Variants in COL16A1 observed in about 807,000 individuals in gnomAD.
COL16A1 encodes the protein collagen alpha-1(XVI) chain.
Under a neutral mutation model 266.3 loss-of-function variants are expected in COL16A1, and 189 were observed. The observed-to-expected ratio is 0.71, with a 90% CI of 0.63 to 0.80. The LOEUF (loss-of-function observed/expected upper bound fraction) is 0.80, where lower values mean the gene tolerates loss of function less well. COL16A1 is among the 30% of genes least tolerant of loss of function. The pLI is 0.00. For synonymous variants in COL16A1, 740 were observed against 782.3 expected, an observed-to-expected ratio of 0.95 and a Z score of 0.90; for missense variants, 1,928 against 2,122.4, an observed-to-expected ratio of 0.91 and a Z score of 1.80.
rs1476391092 is a variant in COL16A1 at position 31,652,850 on chromosome 1, G to A, written c.4616C>T (p.Pro1539Leu). ...GENGLPGPPG[P>L]QGPPGYGKMG... ...CTTGCCATAGCCTGGAGGACCTTGA[G>A]GACCTAGGGAGGGAAGGGCCACAGA... Residue 1539 changes from proline to leucine, a missense_variant, in exon 71 of 71, where the codon CCT (proline) becomes CTT (leucine). Around this residue, in one of 2 missense-constraint regions of COL16A1, gnomAD observed 376 missense variants for 485.2 expected, o/e 0.77. Transcript: ENST00000373672. This position sits in a 1 kb window ranked among gnomAD's most constrained non-coding sequence, Gnocchi z 4.8. 1 of 1,512,436 alleles carries A rather than the reference G, an allele frequency of 6.6e-7. No individual in the cohort carries two copies. The highest frequency in any genetic ancestry group is 8.8e-7 in the Non-Finnish European group (1 of 1,133,080). 93.7% of individuals were successfully genotyped at this position (1,512,436 alleles called of 1,614,324 possible). A position where few individuals can be genotyped will look rare whatever the true frequency, so the allele number is the denominator to read the frequency against.
At chr1:31,662,738 T>C (rs1040489138) in intron 56 of COL16A1, 80 bp from the exon 57 acceptor site, 127 of 1,355,096 alleles carry the variant, frequency 9.4e-5, no homozygotes, top group Non-Finnish European at 1.2e-4. Context: ...GACCAGGCCC[T>C]GGGTCAAGGG....
chr1:31,686,310 G>C, intron 26 of COL16A1, 31 bp from the exon 27 acceptor site: 1 of 1,614,172 alleles, frequency 6.2e-7, no homozygotes, highest in Non-Finnish European at 8.5e-7. Flanking sequence ...CATGATTAAA[G>C]AGGGGATGGA....
At chr1:31,659,894 C>T (rs987434818) in intron 62 of COL16A1, 3 of 151,684 alleles carry the variant, frequency 2.0e-5, no homozygotes, top group African/African-American at 7.3e-5. Context: ...ATGGCATTCC[C>T]AATCCAGGGC....
rs1241372275 is a variant in COL16A1, at chr1:31,691,698, C to G, written c.1258-56G>C. On this transcript the variant is annotated intron_variant, in intron 17 of 70. Transcript: ENST00000373672. ...ACAGCCCTGAGGCCTGGCACCGCCC[C>G]ACTGGGAGAGGTGAATGCCCACCTG... The G allele has an allele frequency of 6.3e-6, 10 of 1,579,662 alleles. No homozygotes were observed. The East Asian group carries it at 2.0e-4, about 32-fold the overall frequency.
intron 68 of COL16A1, among the ~76,000 whole-genome samples, chr1:31,654,563 G>C (rs1466135029): frequency 6.6e-6 from 1 of 152,186 alleles, no homozygotes; most frequent in Non-Finnish European, 1.5e-5. Flanking sequence ...TTGCTCAAGT[G>C]GGGGCTCGGG....
At chr1:31,692,548 G>T (rs778975441) in intron 15 of COL16A1, 39 bp from the exon 16 acceptor site, 5 of 1,613,916 alleles carry the variant, frequency 3.1e-6, no homozygotes, top group East Asian at 4.5e-5. Context: ...GGAGGGTAAG[G>T]CTGGGCCCTG....
chr1:31,655,248 TC>T, intron 67 of COL16A1, 65 bp downstream of exon 67: 1 of 1,539,726 alleles, frequency 6.5e-7, no homozygotes, highest in South Asian at 1.3e-5. Context: ...TGGAAGATGA[TC>T]CGAGCTCCAC....
chr1:31,683,841 C>T (rs1643827910), intron 33 of COL16A1, 93 bp from the exon 34 acceptor site: 1 of 1,606,310 alleles, frequency 6.2e-7, no homozygotes, highest in Non-Finnish European at 8.5e-7. Flanking sequence ...TCTTCCTGCC[C>T]TGCACCCTGC....
chr1:31,661,839 C>G (rs1451316681), intron 58 of COL16A1, 135 bp from the exon 59 acceptor site: 1 of 948,218 alleles, frequency 1.1e-6, no homozygotes, highest in African/African-American at 1.7e-5. Context: ...CTGGCTCAGC[C>G]TCTGACTGGC....
intron 37 of COL16A1, among the ~76,000 whole-genome samples, 156 bp from the exon 38 acceptor site, chr1:31,681,223 G>T (rs1307614430): frequency 6.6e-6 from 1 of 152,254 alleles, no homozygotes; most frequent in Non-Finnish European, 1.5e-5. Context: ...AGACTGAGGT[G>T]CCGGACAAGG....
intron 2 of COL16A1, chr1:31,701,383 T>C (rs1303110389): frequency 1.0e-6 from 1 of 985,250 alleles, no homozygotes; most frequent in African/African-American, 1.7e-5. Context: ...GCGGCCACAC[T>C]CACCCTGGGT....
At chr1:31,687,604 G>A (rs74980627) in intron 26 of COL16A1, among the ~76,000 whole-genome samples, 3,051 of 151,328 alleles carry the variant, frequency 0.02, 53 homozygotes, top group Non-Finnish European at 0.033. Context: ...GGGCAGAACT[G>A]TCAGGACTCG....
At chr1:31,662,763 G>A (rs900797456) in intron 56 of COL16A1, 105 bp from the exon 57 acceptor site, 3 of 1,218,102 alleles carry the variant, frequency 2.5e-6, no homozygotes, top group Non-Finnish European at 3.4e-6. Flanking sequence ...GGTGACTGCT[G>A]GAAACAGGAC....
chr1:31,694,370 C>T (rs538090136), intron 11 of COL16A1, among the ~76,000 whole-genome samples, 200 bp from the exon 12 acceptor site: 1 of 152,346 alleles, frequency 6.6e-6, no homozygotes, highest in South Asian at 2.1e-4. Context: ...GAGGGTCTAA[C>T]CTACCTCCTC....
In COL16A1 at chr1:31,664,232, G is replaced by A. The variant is rs1280148091; in HGVS notation, c.3555+940C>T. On this transcript the variant is annotated intron_variant, in intron 56 of 70. Coordinates refer to ENST00000373672, the MANE Select transcript of COL16A1 (RefSeq NM_001856.4). The surrounding 1 kb of genome is among the most constrained non-coding windows in gnomAD (Gnocchi z 5.5). Reference sequence around the variant, plus strand: ...AACCACCACTGTCCCAAGCATGGCTGATCAGCATGGGCTCTGGGGAGGTAG... The same window carrying A: ...AACCACCACTGTCCCAAGCATGGCTAATCAGCATGGGCTCTGGGGAGGTAG... Among the ~76,000 whole-genome samples the A allele has an allele frequency of 3.3e-5, 5 of 152,192 alleles. No individual in the cohort carries two copies. Among genetic ancestry groups the A allele is most frequent in the Non-Finnish European group, 7.3e-5 (5 of 68,028 alleles).
chr1:31,699,202 G>A (rs934253390), intron 4 of COL16A1, among the ~76,000 whole-genome samples: 8 of 152,212 alleles, frequency 5.3e-5, no homozygotes, highest in Admixed American at 4.6e-4. Context: ...CTTCACGTCT[G>A]ATGGGGGCAG....
At position 31,681,079 on chromosome 1, in the gene COL16A1, G is replaced by A; in HGVS notation, c.2539-12C>T. 2.5e-6 allele frequency: 4 copies of A among 1,609,976 alleles called. No individual in the cohort carries two copies. The highest frequency in any genetic ancestry group is 3.4e-6 in the Non-Finnish European group (4 of 1,178,354). On this transcript the variant is annotated splice_polypyrimidine_tract_variant and intron_variant, in intron 37 of 70. Coordinates refer to ENST00000373672, the MANE Select transcript of COL16A1 (RefSeq NM_001856.4). Reference sequence around the variant, plus strand: ...TGCCCATCACGGCCCTGAAGAGAGAGAGCCCAGAGTCAGAGGGTGAGACTG... The same window carrying A: ...TGCCCATCACGGCCCTGAAGAGAGAAAGCCCAGAGTCAGAGGGTGAGACTG...
rs771564651 is a variant in COL16A1, at chr1:31,691,412, C to T, written c.1398+5G>A. ...GCACAGCAGGAGAAGCAAGGGGGTA[C>T]TCACCGGGGTCCCAGGCAGTCCTAT... On this transcript the variant is annotated splice_donor_5th_base_variant and intron_variant, in intron 19 of 70. Coordinates refer to ENST00000373672, the MANE Select transcript of COL16A1 (RefSeq NM_001856.4). The T allele has an allele frequency of 6.2e-7, 1 of 1,607,900 alleles. No homozygotes were observed. The highest frequency in any genetic ancestry group is 8.5e-7 in the Non-Finnish European group (1 of 1,176,432).
At chr1:31,687,764 C>T (rs1047277638) in intron 26 of COL16A1, among the ~76,000 whole-genome samples, 3 of 152,118 alleles carry the variant, frequency 2.0e-5, no homozygotes, top group Non-Finnish European at 4.4e-5. Flanking sequence ...AAAGGCCCCA[C>T]ATGTGATGTG....
Sources: gnomAD v4.1 joint callset for allele counts (sites outside exome capture counted in the v4.1 genomes callset) on GRCh38, gnomAD v4.1.1 for gene constraint, gnomAD v4.1.1 regional missense constraint, Gnocchi (gnomAD v3.1) non-coding constraint, MANE v1.5 for transcripts, NCBI Gene and HGNC (gene_info 2026-07-23, HGNC 2026-07-21) for gene names.